LIN52: variants seen among roughly 807,000 people sequenced by gnomAD.
LIN52 encodes the protein protein lin-52 homolog.
A neutral mutation model predicts 18.5 loss-of-function variants in LIN52; 4 were observed. The observed-to-expected ratio is 0.22, with a 90% CI of 0.11 to 0.49. The LOEUF (loss-of-function observed/expected upper bound fraction) is 0.49, where lower values mean the gene tolerates loss of function less well. LIN52 is among the 20% of genes least tolerant of loss of function. The probability of loss-of-function intolerance (pLI) is 0.97; values close to 1 mark genes in which losing one functional copy is unlikely to be tolerated. For synonymous variants in LIN52, 34 were observed against 45.5 expected (o/e 0.75, Z 1.02); for missense variants, 102 against 139.5 (o/e 0.73, Z 1.35).
At chr14:74,111,621 T>TTTAG (rs930163263) in intron 5 of LIN52, among the ~76,000 whole-genome samples, 2 of 147,336 alleles carry the variant, frequency 1.4e-5, no homozygotes, top group African/African-American at 5.0e-5. Flanking sequence ...TATTTATTTA[T>TTTAG]TTATTTATTT....
intron 5 of LIN52, among the ~76,000 whole-genome samples, chr14:74,141,200 T>C (rs2061128630): frequency 6.6e-6 from 1 of 152,226 alleles, no homozygotes; most frequent in Non-Finnish European, 1.5e-5. Flanking sequence ...GTAAAATCCT[T>C]ATCTGCTGAA....
chr14:74,086,092 C>A (rs117407177), intron 1 of LIN52, among the ~76,000 whole-genome samples: 2 of 152,048 alleles, frequency 1.3e-5, no homozygotes, highest in East Asian at 3.9e-4. Context: ...CTGGAGTTGC[C>A]CTTTCCCACC....
rs527375701 is a variant in LIN52, at chr14:74,105,284, C to T, written c.283+4046C>T. On this transcript the variant is annotated intron_variant, in intron 5 of 5. Coordinates refer to ENST00000555028, the MANE Select transcript of LIN52 (RefSeq NM_001024674.3). ...GTTTGAAGTCATTTAATTCGGCCACCTTCAGCACTAAACCAAAACTGTATA... is the reference window on the plus strand; with the variant it reads ...GTTTGAAGTCATTTAATTCGGCCACTTTCAGCACTAAACCAAAACTGTATA... Among the ~76,000 whole-genome samples the T allele has an allele frequency of 2.0e-5, 3 of 152,226 alleles. No individual in the cohort carries two copies. In the East Asian group the frequency reaches 5.8e-4, roughly 29 times the overall value.
At chr14:74,178,244 A>T (rs2061301969) in intron 5 of LIN52, among the ~76,000 whole-genome samples, 1 of 152,234 alleles carries the variant, frequency 6.6e-6, no homozygotes, top group South Asian at 2.1e-4. Flanking sequence ...TTGATTGTAC[A>T]GATGAAGTGA....
At chr14:74,180,262 A>ATTTTTTTTT (rs5809652) in intron 5 of LIN52, among the ~76,000 whole-genome samples, 1 of 119,768 alleles carries the variant, frequency 8.3e-6, no homozygotes, top group Non-Finnish European at 1.6e-5. Context: ...GGGAGGAGGA[A>ATTTTTTTTT]TTTTTTTTTT....
At chr14:74,168,946 T>A (rs1473950282) in intron 5 of LIN52, among the ~76,000 whole-genome samples, 1 of 151,796 alleles carries the variant, frequency 6.6e-6, no homozygotes, top group African/African-American at 2.4e-5. Context: ...CCCAGCTACT[T>A]GGGAGGCTGA....
At chr14:74,161,397 G>T (rs1200792062) in intron 5 of LIN52, among the ~76,000 whole-genome samples, 1 of 152,180 alleles carries the variant, frequency 6.6e-6, no homozygotes, top group Non-Finnish European at 1.5e-5. Context: ...CATTGGCCAG[G>T]CTGGTCTCAA....
chr14:74,192,428 GGCA>G (rs2078883642), intron 5 of LIN52, among the ~76,000 whole-genome samples: 1 of 152,146 alleles, frequency 6.6e-6, no homozygotes, highest in African/African-American at 2.4e-5. Context: ...TGGGACTACA[GGCA>G]CATGCCCCCA....
chr14:74,176,458 T>C (rs184168116), intron 5 of LIN52, among the ~76,000 whole-genome samples: 32 of 152,188 alleles, frequency 2.1e-4, no homozygotes, highest in Admixed American at 1.9e-3. Context: ...TCTAAAATAA[T>C]GACAAAAAGT....
intron 5 of LIN52, among the ~76,000 whole-genome samples, chr14:74,189,756 T>A (rs1371344957): frequency 6.6e-6 from 1 of 152,234 alleles, no homozygotes; most frequent in East Asian, 1.9e-4. Context: ...ATGTTCCTGC[T>A]TGATGTTTTA....
At chr14:74,158,945 C>G (rs540193880) in intron 5 of LIN52, among the ~76,000 whole-genome samples, 1 of 152,070 alleles carries the variant, frequency 6.6e-6, no homozygotes, top group Non-Finnish European at 1.5e-5. Context: ...GATGTTATAT[C>G]CAGATGGTTA....
intron 5 of LIN52, among the ~76,000 whole-genome samples, chr14:74,155,988 A>C (rs1303022703): frequency 3.3e-5 from 5 of 152,154 alleles, no homozygotes; most frequent in Admixed American, 3.3e-4. Context: ...CCTCCCCTTC[A>C]CTGGTGGGTC....
At chr14:74,111,549 G>A (rs941294696) in intron 5 of LIN52, among the ~76,000 whole-genome samples, 6 of 150,854 alleles carry the variant, frequency 4.0e-5, no homozygotes, top group South Asian at 4.2e-4. Context: ...CAATCCTCCC[G>A]CCTCAGCCTC....
intron 5 of LIN52, among the ~76,000 whole-genome samples, chr14:74,170,680 G>C (rs1566866239): frequency 6.6e-6 from 1 of 151,978 alleles, no homozygotes; most frequent in Non-Finnish European, 1.5e-5. Flanking sequence ...TTAGACTACA[G>C]TGTGATATAT....
chr14:74,158,062 C>T (rs1367875255), intron 5 of LIN52, among the ~76,000 whole-genome samples: 14 of 151,476 alleles, frequency 9.2e-5, no homozygotes, highest in Non-Finnish European at 1.8e-4. Flanking sequence ...GGAAACCTTT[C>T]TTGTTAAGAC....
At position 74,122,741 on chromosome 14, in the gene LIN52, C is replaced by T. The variant is rs59817467; in HGVS notation, c.283+21503C>T. ...ATTAGCTGGGTATGGTGGCAGGCAC[C>T]TGTAATCCCAAATACTTGGGAGGCT... On this transcript the variant is annotated intron_variant, in intron 5 of 5. Transcript: ENST00000555028. Among the ~76,000 whole-genome samples, 8 of 152,044 alleles carry T rather than the reference C, an allele frequency of 5.3e-5. No individual in the cohort carries two copies. The East Asian group carries it at 7.7e-4, about 15-fold the overall frequency.
At chr14:74,150,261 C>T (rs567686016) in intron 5 of LIN52, among the ~76,000 whole-genome samples, 1 of 152,194 alleles carries the variant, frequency 6.6e-6, no homozygotes, top group South Asian at 2.1e-4. Flanking sequence ...CTAGAAACAA[C>T]CTCAAATCAA....
At chr14:74,133,991 T>C (rs1479250911) in intron 5 of LIN52, among the ~76,000 whole-genome samples, 1 of 152,202 alleles carries the variant, frequency 6.6e-6, no homozygotes, top group East Asian at 1.9e-4. Flanking sequence ...TGCAGAGTCA[T>C]GACCTCAACT....
chr14:74,157,821 A>G (rs139301786), intron 5 of LIN52, among the ~76,000 whole-genome samples: 27 of 105,248 alleles, frequency 2.6e-4, no homozygotes, highest in African/African-American at 8.7e-4. Context: ...GGCTTTCCGT[A>G]GTGTCATCAT....
Sources: gnomAD v4.1 joint callset for allele counts (sites outside exome capture counted in the v4.1 genomes callset) on GRCh38, gnomAD v4.1.1 for gene constraint, MANE v1.5 for transcripts, NCBI Gene and HGNC (gene_info 2026-07-23, HGNC 2026-07-21) for gene names.